SYT1: variants seen among roughly 807,000 people sequenced by gnomAD.
SYT1 encodes the protein synaptotagmin-1.
SYT1 carries 8 observed loss-of-function variants against 44.8 expected under a neutral mutation model. The observed-to-expected ratio is 0.18, with a 90% CI of 0.10 to 0.32. The LOEUF (loss-of-function observed/expected upper bound fraction) is 0.32. SYT1 is among the 10% of genes least tolerant of loss of function. The pLI is 1.00. For missense variants in SYT1, 286 were observed against 509.3 expected (o/e 0.56, Z 4.22); for synonymous variants, 154 against 188.8 (o/e 0.82, Z 1.51).
intron 3 of SYT1, among the ~76,000 whole-genome samples, chr12:79,088,966 A>G (rs1195045194): frequency 1.3e-5 from 2 of 152,104 alleles, no homozygotes; most frequent in Non-Finnish European, 2.9e-5. Context: ...TATGAGGAAG[A>G]AAACTGGCTT....
chr12:78,942,202 A>T (rs1028404450), intron 1 of SYT1, among the ~76,000 whole-genome samples: 1 of 152,100 alleles, frequency 6.6e-6, no homozygotes, highest in Non-Finnish European at 1.5e-5. Flanking sequence ...TTAACTCTTT[A>T]TGTCCTTTAA....
intron 5 of SYT1, among the ~76,000 whole-genome samples, chr12:79,288,839 C>G (rs562245996): frequency 3.9e-5 from 6 of 152,198 alleles, no homozygotes; most frequent in African/African-American, 1.2e-4. Context: ...CTGTCCCTTG[C>G]GGTAGGTTTC....
At chr12:78,975,752 G>C (rs780106970) in intron 1 of SYT1, among the ~76,000 whole-genome samples, 35 of 152,146 alleles carry the variant, frequency 2.3e-4, no homozygotes, top group Non-Finnish European at 4.6e-4. Context: ...CTAACATGTA[G>C]AATCTGATTC....
intron 9 of SYT1, among the ~76,000 whole-genome samples, chr12:79,363,276 TGTA>T (rs992266264): frequency 4.8e-4 from 73 of 152,292 alleles, no homozygotes; most frequent in South Asian, 3.7e-3. Flanking sequence ...ATTAGAAACA[TGTA>T]GCAAAAGTCG....
chr12:79,015,397 T>C (rs1871740803), intron 2 of SYT1, among the ~76,000 whole-genome samples: 1 of 152,114 alleles, frequency 6.6e-6, no homozygotes, highest in South Asian at 2.1e-4. Context: ...CCAACTTTTT[T>C]ATTTGTTTTT....
intron 8 of SYT1, among the ~76,000 whole-genome samples, chr12:79,320,374 A>G (rs559568316): frequency 2.6e-5 from 4 of 152,296 alleles, no homozygotes; most frequent in East Asian, 3.9e-4. Flanking sequence ...CTTGAAATCC[A>G]AATCTTTAAT....
At chr12:79,344,611 C>T (rs890674584) in intron 8 of SYT1, among the ~76,000 whole-genome samples, 5 of 152,060 alleles carry the variant, frequency 3.3e-5, no homozygotes, top group Non-Finnish European at 7.4e-5. Context: ...CATCACACCA[C>T]ACCTGGCTAT....
intron 8 of SYT1, among the ~76,000 whole-genome samples, chr12:79,307,565 G>A (rs1263538750): frequency 6.6e-6 from 1 of 151,310 alleles, no homozygotes; most frequent in Non-Finnish European, 1.5e-5. Context: ...GCAGACTTCC[G>A]GGGCGCCTGG....
chr12:79,161,938 C>T (rs1008128214), intron 3 of SYT1, among the ~76,000 whole-genome samples: 1 of 152,142 alleles, frequency 6.6e-6, no homozygotes, highest in East Asian at 1.9e-4. Flanking sequence ...GAATTGTATG[C>T]TTCTGACACT....
At chr12:79,301,542 T>C (rs1880152511) in intron 8 of SYT1, among the ~76,000 whole-genome samples, 2 of 152,066 alleles carry the variant, frequency 1.3e-5, no homozygotes, top group African/African-American at 4.8e-5. Flanking sequence ...ACCGATGAAA[T>C]AGAATAGAAC....
intron 10 of SYT1, among the ~76,000 whole-genome samples, chr12:79,446,818 C>G (rs574538657): frequency 1.3e-5 from 2 of 151,948 alleles, no homozygotes; most frequent in African/African-American, 4.8e-5. Flanking sequence ...TTTTTTCCAA[C>G]GATTTATTTT....
chr12:79,332,409 C>G (rs184541913), intron 8 of SYT1, among the ~76,000 whole-genome samples: 1 of 152,254 alleles, frequency 6.6e-6, no homozygotes, highest in Admixed American at 6.5e-5. Context: ...GCAGAATGAA[C>G]GATTTGTGAA....
intron 9 of SYT1, among the ~76,000 whole-genome samples, chr12:79,430,932 G>C (rs981899359): frequency 6.6e-6 from 1 of 152,226 alleles, no homozygotes; most frequent in African/African-American, 2.4e-5. Flanking sequence ...AGTTGAACAA[G>C]ACACTGGCTG....
chr12:79,239,003 T>A (rs1876348129), intron 4 of SYT1, among the ~76,000 whole-genome samples: 1 of 152,244 alleles, frequency 6.6e-6, no homozygotes. Flanking sequence ...TATGTTCTAG[T>A]TATTTGCCTT....
rs574562152 is a variant in SYT1 at position 78,924,174 on chromosome 12, T to A, written c.-216-53625T>A. ...ATGATGTGTCTTTTGCAATGCATCA[T>A]ATCAGAAGGCCCATGGTATTCACTG... On this transcript the variant is annotated intron_variant, in intron 1 of 10. Coordinates refer to ENST00000261205, the MANE Select transcript of SYT1 (RefSeq NM_005639.3). Among the ~76,000 whole-genome samples, 266 of 152,092 alleles carry A rather than the reference T, an allele frequency of 1.7e-3. 1 individual carries two copies. Among genetic ancestry groups the A allele is most frequent in the African/African-American group, 6.2e-3 (258 of 41,548 alleles).
intron 1 of SYT1, among the ~76,000 whole-genome samples, chr12:78,951,845 CT>C (rs1485355425): frequency 3.3e-5 from 5 of 152,106 alleles, no homozygotes; most frequent in Admixed American, 6.6e-5. Context: ...TACGTGAGTG[CT>C]TTCTGGAGCT....
At chr12:79,284,647 C>G (rs1008346667) in intron 4 of SYT1, among the ~76,000 whole-genome samples, 2 of 151,842 alleles carry the variant, frequency 1.3e-5, no homozygotes, top group African/African-American at 4.8e-5. Context: ...ACCATCCTGG[C>G]CAACATGGTG....
At chr12:79,212,644 A>G (rs1160868754) in intron 3 of SYT1, among the ~76,000 whole-genome samples, 2 of 152,200 alleles carry the variant, frequency 1.3e-5, no homozygotes, top group Non-Finnish European at 2.9e-5. Flanking sequence ...ATTCCACTTT[A>G]ACAAACTAAA....
chr12:78,973,545 G>A (rs997175820), intron 1 of SYT1, among the ~76,000 whole-genome samples: 6 of 151,982 alleles, frequency 3.9e-5, no homozygotes, highest in African/African-American at 9.7e-5. Flanking sequence ...AAGGGGTATC[G>A]CCATTCCACT....
Sources: allele counts gnomAD v4.1 joint callset (sites outside exome capture counted in the v4.1 genomes callset), GRCh38; gene constraint gnomAD v4.1.1; transcripts MANE v1.5; gene names NCBI Gene and HGNC (gene_info 2026-07-23, HGNC 2026-07-21).